COL25A1: variants seen among roughly 807,000 people sequenced by gnomAD.
COL25A1 encodes collagen type XXV alpha 1 chain, also known as collagen alpha-1(XXV) chain.
Under a neutral mutation model 128.4 loss-of-function variants are expected in COL25A1, and 103 were observed. The observed-to-expected ratio is 0.80, with a 90% CI of 0.68 to 0.94. COL25A1 has a LOEUF of 0.94. Among genes scored for constraint, COL25A1 ranks in the 40% least tolerant of loss-of-function variants. The pLI is 0.00. For synonymous variants in COL25A1, 279 were observed against 277.2 expected (o/e 1.01, Z -0.06); for missense variants, 745 against 840.0 (o/e 0.89, Z 1.40).
At chr4:109,242,684 G>C (rs945138681) in intron 3 of COL25A1, among the ~76,000 whole-genome samples, 6 of 152,002 alleles carry the variant, frequency 3.9e-5, no homozygotes, top group Admixed American at 3.9e-4. Context: ...GAAGTGACTG[G>C]CTTTTTATTT....
At chr4:109,138,643 C>T (rs374542460) in intron 3 of COL25A1, among the ~76,000 whole-genome samples, 41 of 152,290 alleles carry the variant, frequency 2.7e-4, no homozygotes, top group African/African-American at 9.6e-4. Context: ...TCCTCTCCAG[C>T]ATCTGTTGTT....
intron 3 of COL25A1, among the ~76,000 whole-genome samples, chr4:109,290,770 T>C (rs1018256304): frequency 2.0e-5 from 3 of 151,990 alleles, no homozygotes; most frequent in African/African-American, 7.2e-5. Context: ...GAAAAAAAAA[T>C]TGCAAAAAGA....
At position 109,198,057 on chromosome 4, in the gene COL25A1, T is replaced by G. The variant is rs544871483; in HGVS notation, c.367+102526A>C. ...TTATTATTCATGTCTTAAAAATAAT[T>G]TTTTCTTGTACTTTTATATCAATTG... is the stretch of plus-strand genomic sequence containing the variant. On this transcript the variant is annotated intron_variant, in intron 3 of 37. Coordinates refer to ENST00000399132, the MANE Select transcript of COL25A1 (RefSeq NM_198721.4). 1.4e-4 allele frequency among the ~76,000 whole-genome samples: 21 copies of G among 152,224 alleles called. 1 individual carries two copies. Among genetic ancestry groups the G allele is most frequent in the African/African-American group, 5.1e-4 (21 of 41,554 alleles).
At chr4:108,860,043 T>C (rs1177060967) in intron 23 of COL25A1, among the ~76,000 whole-genome samples, 6 of 152,236 alleles carry the variant, frequency 3.9e-5, no homozygotes, top group African/African-American at 1.4e-4. Flanking sequence ...TGTAAAATTT[T>C]ATTTGCTTTA....
At chr4:109,181,857 C>T (rs1774664253) in intron 3 of COL25A1, among the ~76,000 whole-genome samples, 1 of 152,064 alleles carries the variant, frequency 6.6e-6, no homozygotes, top group Non-Finnish European at 1.5e-5. Flanking sequence ...CCCCAATCCC[C>T]TCCTGCCCCT....
At chr4:109,244,045 G>A (rs1364732512) in intron 3 of COL25A1, among the ~76,000 whole-genome samples, 1 of 151,586 alleles carries the variant, frequency 6.6e-6, no homozygotes, top group Non-Finnish European at 1.5e-5. Context: ...AGCAGCTCTA[G>A]ACTACAGTAA....
intron 6 of COL25A1, among the ~76,000 whole-genome samples, chr4:108,974,900 C>G (rs1157119121): frequency 6.6e-6 from 1 of 152,202 alleles, no homozygotes; most frequent in Non-Finnish European, 1.5e-5. Flanking sequence ...CTTGTCACCA[C>G]CCTCTACCAA....
chr4:109,008,047 G>A (rs1373501755), intron 6 of COL25A1, among the ~76,000 whole-genome samples: 1 of 152,090 alleles, frequency 6.6e-6, no homozygotes, highest in Non-Finnish European at 1.5e-5. Context: ...ATTCATATCT[G>A]AATTTTCTAC....
intron 3 of COL25A1, among the ~76,000 whole-genome samples, chr4:109,217,663 A>T (rs1001458422): frequency 6.6e-6 from 1 of 152,186 alleles, no homozygotes; most frequent in African/African-American, 2.4e-5. Flanking sequence ...CCTCCCGAGG[A>T]TACCATAATC....
intron 3 of COL25A1, among the ~76,000 whole-genome samples, chr4:109,104,545 G>A (rs1766225589): frequency 6.6e-6 from 1 of 152,056 alleles, no homozygotes; most frequent in Admixed American, 6.6e-5. Flanking sequence ...TTCCCATTAT[G>A]ACATGGGTTT....
intron 2 of COL25A1, 26 bp downstream of exon 2, chr4:109,301,697 G>C: frequency 1.2e-6 from 2 of 1,600,332 alleles, no homozygotes; most frequent in Non-Finnish European, 1.7e-6. Context: ...TGTTACCCAC[G>C]TGCAAAATAC....
chr4:109,232,235 TC>T (rs1329651556), intron 3 of COL25A1, among the ~76,000 whole-genome samples: 1 of 152,206 alleles, frequency 6.6e-6, no homozygotes, highest in Non-Finnish European at 1.5e-5. Context: ...TGACAATTTT[TC>T]CCTCTAAGTC....
intron 11 of COL25A1, among the ~76,000 whole-genome samples, chr4:108,922,968 G>A (rs1287681983): frequency 6.6e-6 from 1 of 152,094 alleles, no homozygotes; most frequent in Non-Finnish European, 1.5e-5. Flanking sequence ...CTCGGGGAGG[G>A]ATACCTGGGA....
chr4:109,069,795 G>A (rs747105494), intron 3 of COL25A1, among the ~76,000 whole-genome samples: 5 of 152,060 alleles, frequency 3.3e-5, no homozygotes, highest in Non-Finnish European at 7.4e-5. Flanking sequence ...AATTGTCCAG[G>A]AAATGTGGAA....
intron 13 of COL25A1, among the ~76,000 whole-genome samples, chr4:108,911,829 A>G (rs1880758): frequency 0.7 from 101,917 of 144,838 alleles, 37,239 homozygotes; most frequent in East Asian, 1. Flanking sequence ...TTGCAACAGC[A>G]AGTGAGGAGC....
intron 8 of COL25A1, among the ~76,000 whole-genome samples, chr4:108,950,911 A>T (rs1749346334): frequency 6.6e-6 from 1 of 152,258 alleles, no homozygotes; most frequent in Non-Finnish European, 1.5e-5. Flanking sequence ...TTAGAGGAGC[A>T]GGCAGTACTT....
intron 19 of COL25A1, among the ~76,000 whole-genome samples, chr4:108,869,753 C>A (rs1738470716): frequency 6.6e-6 from 1 of 151,880 alleles, no homozygotes; most frequent in Non-Finnish European, 1.5e-5. Context: ...AAGAGTTTAC[C>A]CAAAATCTAT....
intron 19 of COL25A1, among the ~76,000 whole-genome samples, chr4:108,877,433 G>A (rs1159778629): frequency 4.6e-5 from 7 of 152,000 alleles, no homozygotes; most frequent in Non-Finnish European, 1.0e-4. Flanking sequence ...TTCCTCTTGT[G>A]TCCATAAACT....
At chr4:109,235,557 C>CAT (rs764770175) in intron 3 of COL25A1, among the ~76,000 whole-genome samples, 315 of 151,868 alleles carry the variant, frequency 2.1e-3, no homozygotes, top group African/African-American at 7.1e-3. Flanking sequence ...TACACACACA[C>CAT]ACACACACAG....
Sources: allele counts gnomAD v4.1 joint callset (sites outside exome capture counted in the v4.1 genomes callset), GRCh38; gene constraint gnomAD v4.1.1; transcripts MANE v1.5; gene names NCBI Gene and HGNC (gene_info 2026-07-23, HGNC 2026-07-21).